PRX: variants seen among roughly 807,000 people sequenced by gnomAD.
The protein encoded by PRX is periaxin.
PRX carries 24 observed loss-of-function variants against 29.6 expected under a neutral mutation model. The observed-to-expected ratio is 0.81, with a 90% CI of 0.59 to 1.14. PRX has a LOEUF of 1.14. Ranked by LOEUF, PRX falls within the 50% of genes most tolerant of loss-of-function variation. The pLI is 0.00. For missense variants in PRX, 1,838 were observed against 1,926.4 expected (o/e 0.95, Z 0.86); for synonymous variants, 772 against 831.7 (o/e 0.93, Z 1.24).
At chr19:40,410,452 G>A (rs988937023) in intron 1 of PRX, among the ~76,000 whole-genome samples, 15 of 152,080 alleles carry the variant, frequency 9.9e-5, no homozygotes, top group Admixed American at 7.2e-4. Context: ...CAGCACCCAC[G>A]CCCCCCACAG....
rs2079442282 is a variant in PRX at position 40,396,742 on chromosome 19, G to A, written c.1610C>T (p.Ala537Val). ...EMKLPKVPEMAVPEVRLPEVQ... is the reference protein window; with the variant it reads ...EMKLPKVPEMVVPEVRLPEVQ... ...CTCTGGAAGCCGCACCTCCGGCACA[G>A]CCATCTCTGGCACCTTTGGGAGTTT... The change falls in exon 7 of 7, where the codon GCT becomes GTT. Residue 537 changes from alanine (A) to valine (V), a missense_variant. Coordinates refer to ENST00000324001, the MANE Select transcript of PRX (RefSeq NM_181882.3). 1 of 1,610,250 alleles carries A rather than the reference G, an allele frequency of 6.2e-7. No homozygotes were observed. The highest frequency in any genetic ancestry group is 8.5e-7 in the Non-Finnish European group (1 of 1,178,594).
At chr19:40,401,383 C>T (rs548288389) in intron 5 of PRX, among the ~76,000 whole-genome samples, 76 of 152,202 alleles carry the variant, frequency 5.0e-4, no homozygotes, top group African/African-American at 1.8e-3. Context: ...GCTTCAGTCT[C>T]CTGGGCTCAA....
rs71171569 is a variant in PRX, at chr19:40,400,592, CAAAAAAAAA to C, written c.185-1785_185-1777del. On this transcript the variant is annotated intron_variant, in intron 5 of 6. Transcript: ENST00000324001. ...GGGCAACAAGAGCGAAATTCCATCT[CAAAAAAAAA>C]AAAAAAAAAAAAAAAAAGACAAGAT... Among the ~76,000 whole-genome samples the C allele has an allele frequency of 3.8e-4, 17 of 44,818 alleles. 1 individual carries two copies. Among genetic ancestry groups the C allele is most frequent in the African/African-American group, 4.9e-4 (5 of 10,128 alleles). 29.4% of individuals were successfully genotyped at this position (44,818 alleles called of 152,430 possible).
At position 40,398,157 on chromosome 19, in the gene PRX, A is replaced by G. The variant is rs12975338; in HGVS notation, c.382-187T>C. The G allele has an allele frequency of 0.039, 55,605 of 1,432,054 alleles. 1,276 individuals carry two copies. Among genetic ancestry groups the G allele is most frequent in the Non-Finnish European group, 0.045 (49,108 of 1,097,862 alleles). 88.7% of individuals were successfully genotyped at this position (1,432,054 alleles called of 1,614,324 possible). A position where few individuals can be genotyped will look rare whatever the true frequency, so the allele number is the denominator to read the frequency against. ...TGCCCAGGAAAGCAGGCAGCCATCTAGGATCTCCAAATGAGTCAACAGGAG... is the reference window on the plus strand; with the variant it reads ...TGCCCAGGAAAGCAGGCAGCCATCTGGGATCTCCAAATGAGTCAACAGGAG... On this transcript the variant is annotated intron_variant, in intron 6 of 6. Transcript: ENST00000324001. The surrounding 1 kb of genome is among the most constrained non-coding windows in gnomAD (Gnocchi z 6.3).
chr19:40,404,177 C>CA (rs2145741940), intron 4 of PRX, among the ~76,000 whole-genome samples: 3 of 152,352 alleles, frequency 2.0e-5, no homozygotes, highest in Admixed American at 2.0e-4. Flanking sequence ...GGGGCACACC[C>CA]ACTCCGGCGT....
intron 4 of PRX, among the ~76,000 whole-genome samples, chr19:40,406,775 T>TC (rs1555802426): frequency 1.9e-5 from 2 of 103,704 alleles, no homozygotes; most frequent in African/African-American, 6.3e-5. Flanking sequence ...CCATTTCTTT[T>TC]TTTTTTTTTT....
Position 40,394,526 on chromosome 19 carries a change from G to T in PRX, c.3826C>A (p.Leu1276Met), listed in dbSNP as rs370802101. The stretch of plus-strand genomic sequence containing the variant: ...GATGGCGAGAGCTCCACGTCGGGCA[G>T]TGAGAGGCAGAAGGTACGCTCGGCC... ...PGAERTFCLS[L>M]PDVELSPSGG... The change falls in exon 7 of 7, where the codon CTG becomes ATG. Residue 1276 changes from leucine (L) to methionine (M), a missense_variant. Transcript: ENST00000324001. The surrounding 1 kb of genome is among the most constrained non-coding windows in gnomAD (Gnocchi z 5.8). 6.9e-6 allele frequency: 11 copies of T among 1,602,238 alleles called. No homozygotes were observed. The South Asian group carries it at 1.2e-4, about 18-fold the overall frequency.
At chr19:40,401,325 C>T (rs1196395644) in intron 5 of PRX, among the ~76,000 whole-genome samples, 1 of 152,028 alleles carries the variant, frequency 6.6e-6, no homozygotes, top group Non-Finnish European at 1.5e-5. Flanking sequence ...CAGAATCTTG[C>T]TCTGTTGCCC....
intron 4 of PRX, 117 bp downstream of exon 4, chr19:40,407,789 C>T: frequency 7.0e-7 from 1 of 1,432,670 alleles, no homozygotes; most frequent in Non-Finnish European, 9.7e-7. Flanking sequence ...GTTATTATTT[C>T]CATTTCACAG....
Position 40,395,000 on chromosome 19 carries a change from C to T in PRX, c.3352G>A (p.Val1118Ile), listed in dbSNP as rs143654708. The change falls in exon 7 of 7, where the codon GTC becomes ATC. Residue 1118 changes from valine to isoleucine, a missense_variant. Around this residue, in one of 3 missense-constraint regions of PRX, gnomAD observed 1,143 missense variants for 1,193.0 expected, o/e 0.96. Coordinates refer to ENST00000324001, the MANE Select transcript of PRX (RefSeq NM_181882.3). This position sits in a 1 kb window ranked among gnomAD's most constrained non-coding sequence, Gnocchi z 5.8. ...EEGRAEGAVA[V>I]SGMQLSGLKV... is the part of the protein sequence containing the mutation. ...AGGCCTGACAGCTGCATTCCACTGA[C>T]GGCCACAGCCCCCTCTGCCCTCCCT... The T allele has an allele frequency of 4.7e-5, 76 of 1,609,334 alleles. No individual in the cohort carries two copies. Among genetic ancestry groups the T allele is most frequent in the African/African-American group, 1.6e-4 (12 of 75,064 alleles).
chr19:40,394,215 TG>T lies in PRX; in HGVS notation c.4136del (p.Pro1379HisfsTer3). 6.3e-7 allele frequency: 1 copy of T among 1,598,518 alleles called. No homozygotes were observed. Among genetic ancestry groups the T allele is most frequent in the Non-Finnish European group, 8.6e-7 (1 of 1,169,484 alleles). On this transcript the variant is annotated frameshift_variant, in exon 7 of 7. Transcript: ENST00000324001. LOFTEE classifies it high-confidence loss of function. This position sits in a 1 kb window ranked among gnomAD's most constrained non-coding sequence, Gnocchi z 5.8. ...TAGAAGGGGCCGCCAGGCCTACACG[TG>T]GCAAGCGGACCCGGACCCGGCCCCG... ...GRRGRVRVRL[P>X]RVGLAAPSKA... is the part of the protein sequence containing the mutation.
In PRX at chr19:40,397,272, A is replaced by G. The variant is rs199882125; in HGVS notation, c.1080T>C (p.Leu360=). 21 of 1,613,558 alleles carry G rather than the reference A, an allele frequency of 1.3e-5. No homozygotes were observed. The highest frequency in any genetic ancestry group is 1.1e-5 in the Non-Finnish European group (13 of 1,180,014). The change falls in exon 7 of 7, where the codon CTT becomes CTC. Residue 360 remains leucine, a synonymous_variant. Coordinates refer to ENST00000324001, the MANE Select transcript of PRX (RefSeq NM_181882.3). The part of the protein sequence containing the change: ...APEVALKMPR[L]SFPRFGARAK... ...CTCGAGCCCCAAATCGGGGAAAACT[A>G]AGGCGGGGCATCTTCAGGGCCACCT...
rs1286128632 is a variant in PRX, at chr19:40,397,585, G to A, written c.767C>T (p.Ala256Val). The A allele has an allele frequency of 1.3e-6, 2 of 1,542,704 alleles. No individual in the cohort carries two copies. Among genetic ancestry groups the A allele is most frequent in the South Asian group, 1.2e-5 (1 of 84,266 alleles). The stretch of plus-strand genomic sequence containing the variant: ...ACCAGCTGCCTCTGCTGAGGGGGCA[G>A]CCTTGGGGGCTGAGACCTGGGGGAC... The part of the protein sequence containing the change: ...VGVPQVSAPK[A>V]APSAEAAGGF... The change falls in exon 7 of 7, where the codon GCT (alanine) becomes GTT (valine). Residue 256 changes from alanine to valine, a missense_variant. By Grantham distance (64) the Ala-to-Val change is moderately conservative. Coordinates refer to ENST00000324001, the MANE Select transcript of PRX (RefSeq NM_181882.3).
At chr19:40,409,816 T>C (rs907685280) in intron 1 of PRX, among the ~76,000 whole-genome samples, 2 of 152,096 alleles carry the variant, frequency 1.3e-5, no homozygotes, top group African/African-American at 4.8e-5. Flanking sequence ...TGACCTTGTG[T>C]CGAGCGCCCC....
Position 40,393,937 on chromosome 19 carries a change from A to G in PRX, c.*29T>C. The G allele has an allele frequency of 6.2e-7, 1 of 1,606,904 alleles. No homozygotes were observed. The highest frequency in any genetic ancestry group is 8.5e-7 in the Non-Finnish European group (1 of 1,179,646). ...AGCGAGGGGGTAGAGAAAGGAAGGCAAGAAGGGATCCCCATCTGACTAGGG... is the reference window on the plus strand; with the variant it reads ...AGCGAGGGGGTAGAGAAAGGAAGGCGAGAAGGGATCCCCATCTGACTAGGG... On this transcript the variant is annotated 3_prime_UTR_variant, in exon 7 of 7. Coordinates refer to ENST00000324001, the MANE Select transcript of PRX (RefSeq NM_181882.3).
Position 40,395,795 on chromosome 19 carries a change from T to A in PRX, c.2557A>T (p.Thr853Ser). The A allele has an allele frequency of 6.2e-7, 1 of 1,613,510 alleles. No individual in the cohort carries two copies. Among genetic ancestry groups the A allele is most frequent in the Non-Finnish European group, 8.5e-7 (1 of 1,179,912 alleles). ...AGGTCTAGCTCCACTGAAGGCAGAG[T>A]GAGAGAGGGGACACCCACATGAGCC... ...GEAHVGVPSLTLPSVELDLPG... is the reference protein window; with the variant it reads ...GEAHVGVPSLSLPSVELDLPG... The change falls in exon 7 of 7, where the codon ACT (threonine) becomes TCT (serine). Residue 853 changes from threonine to serine, a missense_variant. Thr to Ser is a moderately conservative substitution (Grantham distance 58). Transcript: ENST00000324001.
At chr19:40,400,025 C>G (rs2079482960) in intron 5 of PRX, among the ~76,000 whole-genome samples, 2 of 144,724 alleles carry the variant, frequency 1.4e-5, no homozygotes, top group Admixed American at 1.4e-4. Context: ...TCTTGTTGCC[C>G]AGGCTGGAGT....
At chr19:40,409,224 C>T (rs1306703516) in intron 1 of PRX, among the ~76,000 whole-genome samples, 1 of 151,980 alleles carries the variant, frequency 6.6e-6, no homozygotes, top group Non-Finnish European at 1.5e-5. Context: ...AGCTCCAACT[C>T]CTGGGCTCAT....
intron 4 of PRX, among the ~76,000 whole-genome samples, chr19:40,404,573 T>A (rs2079519996): frequency 6.6e-6 from 1 of 151,568 alleles, no homozygotes; most frequent in Non-Finnish European, 1.5e-5. Context: ...ACCCTTATTA[T>A]TTTTTTGTTG....
Sources: gnomAD v4.1 joint callset for allele counts (sites outside exome capture counted in the v4.1 genomes callset) on GRCh38, gnomAD v4.1.1 for gene constraint, gnomAD v4.1.1 regional missense constraint, Gnocchi (gnomAD v3.1) non-coding constraint, MANE v1.5 for transcripts, NCBI Gene and HGNC (gene_info 2026-07-23, HGNC 2026-07-21) for gene names.